FNDC8: variants seen among roughly 807,000 people sequenced by gnomAD.
The protein encoded by FNDC8 is fibronectin type III domain containing 8, also known as fibronectin type III domain-containing protein 8.
FNDC8 carries 23 observed loss-of-function variants against 24.8 expected under a neutral mutation model. The observed-to-expected ratio is 0.93, with a 90% CI of 0.67 to 1.31. The LOEUF (loss-of-function observed/expected upper bound fraction) is 1.31. Among genes scored for constraint, FNDC8 ranks in the 40% most tolerant of loss-of-function variants. The pLI is 0.00. For synonymous variants in FNDC8, 158 were observed against 165.3 expected (o/e 0.96, Z 0.34); for missense variants, 371 against 398.2 (o/e 0.93, Z 0.58).
intron 1 of FNDC8, 120 bp from the exon 2 acceptor site, chr17:35,126,922 T>C: frequency 7.8e-7 from 1 of 1,280,774 alleles, no homozygotes; most frequent in Non-Finnish European, 1.1e-6. Flanking sequence ...AATGAGGCTG[T>C]TCCAAGCTGT....
chr17:35,127,189 C>T lies in FNDC8; in HGVS notation c.357C>T (p.Asn119=). The T allele has an allele frequency of 6.2e-7, 1 of 1,614,222 alleles. No homozygotes were observed. Among genetic ancestry groups the T allele is most frequent in the South Asian group, 1.1e-5 (1 of 91,084 alleles). ...CAGGGATGCTGGAGGGGGAGCTGAACAAACTCAGCTTCTCCCCAATGGCCA... is the reference window on the plus strand; with the variant it reads ...CAGGGATGCTGGAGGGGGAGCTGAATAAACTCAGCTTCTCCCCAATGGCCA... The part of the protein sequence containing the change: ...FFAGMLEGEL[N]KLSFSPMAKN... The change falls in exon 2 of 4, where the codon AAC becomes AAT. Residue 119 remains asparagine (N), a synonymous_variant. Transcript: ENST00000158009.
intron 1 of FNDC8, among the ~76,000 whole-genome samples, chr17:35,123,312 G>A (rs976769825): frequency 8.5e-5 from 13 of 152,152 alleles, no homozygotes; most frequent in Non-Finnish European, 1.6e-4. Context: ...CAAAGTGCCC[G>A]TAAGCAAGCA....
intron 3 of FNDC8, 45 bp downstream of exon 3, chr17:35,129,703 A>G: frequency 6.3e-7 from 1 of 1,593,278 alleles, no homozygotes; most frequent in East Asian, 2.3e-5. Flanking sequence ...AGAGAAGTCC[A>G]AAGCCAGGGA....
intron 2 of FNDC8, 111 bp downstream of exon 2, chr17:35,127,528 A>G: frequency 1.5e-6 from 2 of 1,298,014 alleles, no homozygotes; most frequent in Non-Finnish European, 2.1e-6. Context: ...CCTCAAGTTC[A>G]CGGTTTAGGA....
intron 3 of FNDC8, 164 bp from the exon 4 acceptor site, chr17:35,130,118 G>C (rs911218829): frequency 1.4e-6 from 2 of 1,439,508 alleles, no homozygotes; most frequent in African/African-American, 1.4e-5. Context: ...GTACAGGCTT[G>C]AGTCATGCAT....
In FNDC8 at chr17:35,121,656, G is replaced by T; in HGVS notation, c.-38G>T. 1.2e-6 allele frequency: 2 copies of T among 1,603,674 alleles called. No homozygotes were observed. Among genetic ancestry groups the T allele is most frequent in the Non-Finnish European group, 1.7e-6 (2 of 1,171,030 alleles). ...CTCTCTGCTTCTGGTCAGCTGGGTT[G>T]TCCTGCATGGTGACGGGTGTCATCC... On this transcript the variant is annotated 5_prime_UTR_variant, in exon 1 of 4. Coordinates refer to ENST00000158009, the MANE Select transcript of FNDC8 (RefSeq NM_017559.4).
intron 2 of FNDC8, among the ~76,000 whole-genome samples, chr17:35,127,909 G>T (rs2091855435): frequency 6.6e-6 from 1 of 152,186 alleles, no homozygotes; most frequent in African/African-American, 2.4e-5. Flanking sequence ...TCCCTAGAGG[G>T]TCTAGGGTGA....
chr17:35,122,208 A>AT (rs1567738641), intron 1 of FNDC8, among the ~76,000 whole-genome samples: 244 of 9,098 alleles, frequency 0.027, 10 homozygotes, highest in Non-Finnish European at 0.03. Context: ...ATATATATAT[A>AT]AATTTTTTTT....
In FNDC8 at chr17:35,129,642, G is replaced by A. The variant is rs771169372; in HGVS notation, c.806G>A (p.Trp269Ter). ...GCCAACACAGCTGGGGTGGGGAAGT[G>A]GTGCAAGCCCTACAAAGTGAGCCCT... ...RAANTAGVGK[W>*]CKPYKFATLA... Residue 269 changes from tryptophan to a stop codon, truncating the protein, a stop_gained, in exon 3 of 4, where the codon TGG (tryptophan) becomes TAG (stop). Transcript: ENST00000158009. LOFTEE classifies it high-confidence loss of function. 6.2e-7 allele frequency: 1 copy of A among 1,613,926 alleles called. No individual in the cohort carries two copies. Among genetic ancestry groups the A allele is most frequent in the South Asian group, 1.1e-5 (1 of 91,058 alleles).
chr17:35,128,477 C>T (rs2091857900), intron 2 of FNDC8, among the ~76,000 whole-genome samples: 1 of 152,210 alleles, frequency 6.6e-6, no homozygotes, highest in African/African-American at 2.4e-5. Context: ...CCCTGAGATG[C>T]TTAGCCAGGC....
chr17:35,130,207 G>C, intron 3 of FNDC8, 75 bp from the exon 4 acceptor site: 1 of 1,552,932 alleles, frequency 6.4e-7, no homozygotes, highest in South Asian at 1.2e-5. Context: ...GAAAAAAAAG[G>C]GGTGATAGAG....
rs148718735 is a variant in FNDC8 at position 35,125,108 on chromosome 17, T to A, written c.210-1934T>A. Among the ~76,000 whole-genome samples, 778 of 149,464 alleles carry A rather than the reference T, an allele frequency of 5.2e-3. 4 individuals are homozygous for A. The highest frequency in any genetic ancestry group is 7.4e-3 in the Non-Finnish European group (499 of 67,490). ...AAAAAGAAATGTTAAGTGGTGGGGA[T>A]CATGTACAAGGTTTTTCTTTGTAAT... is the stretch of plus-strand genomic sequence containing the variant. On this transcript the variant is annotated intron_variant, in intron 1 of 3. Coordinates refer to ENST00000158009, the MANE Select transcript of FNDC8 (RefSeq NM_017559.4).
At chr17:35,129,401 C>G (rs919264283) in intron 2 of FNDC8, 21 bp from the exon 3 acceptor site, 2 of 1,610,012 alleles carry the variant, frequency 1.2e-6, no homozygotes, top group Admixed American at 1.7e-5. Flanking sequence ...GAGGAAGCCT[C>G]GGGGCTCTCT....
rs767323694 is a variant in FNDC8 at position 35,127,346 on chromosome 17, T to A, written c.514T>A (p.Ser172Thr). The change falls in exon 2 of 4, where the codon TCT becomes ACT. Residue 172 changes from serine (S) to threonine (T), a missense_variant. Transcript: ENST00000158009. ...AGAAACCTCCTCAACGCACTCAGAATCTTCTGTGGTTGTGGACCTGCCGGA... is the reference window on the plus strand; with the variant it reads ...AGAAACCTCCTCAACGCACTCAGAAACTTCTGTGGTTGTGGACCTGCCGGA... ...ETETSSTHSE[S>T]SVVVDLPDTP... is the part of the protein sequence containing the mutation. 19 of 1,606,620 alleles carry A rather than the reference T, an allele frequency of 1.2e-5. No individual in the cohort carries two copies. The Admixed American group carries it at 3.1e-4, about 26-fold the overall frequency.
intron 1 of FNDC8, among the ~76,000 whole-genome samples, chr17:35,125,234 T>A (rs575063348): frequency 6.6e-6 from 1 of 152,206 alleles, no homozygotes; most frequent in Non-Finnish European, 1.5e-5. Flanking sequence ...GCCCAGGAGT[T>A]CGAAGTCAGC....
At chr17:35,126,983 G>C in intron 1 of FNDC8, 59 bp from the exon 2 acceptor site, 1 of 1,522,768 alleles carries the variant, frequency 6.6e-7, no homozygotes, top group Admixed American at 2.2e-5. Context: ...CTGCCCTCAG[G>C]TGGAACGGGC....
rs754322331 is a variant in FNDC8, at chr17:35,130,486, C to A, written c.*52C>A. On this transcript the variant is annotated 3_prime_UTR_variant, in exon 4 of 4. Transcript: ENST00000158009. ...CCTACTTTCAGCTTCAACCCCAGGC[C>A]CTCAGAAACCAGAGCCATGAGACCT... is the stretch of plus-strand genomic sequence containing the variant. The A allele has an allele frequency of 1.9e-5, 30 of 1,574,132 alleles. No homozygotes were observed. Among genetic ancestry groups the A allele is most frequent in the Non-Finnish European group, 6.1e-6 (7 of 1,156,352 alleles).
rs1250229049 is a variant in FNDC8 at position 35,127,571 on chromosome 17, C to T, written c.585+154C>T. On this transcript the variant is annotated intron_variant, in intron 2 of 3. Transcript: ENST00000158009. ...GGATGTGTCTGTAAAAACTCCAGTGCAAGACAGAAAGGGTTCAGTGCTGTA... is the reference window on the plus strand; with the variant it reads ...GGATGTGTCTGTAAAAACTCCAGTGTAAGACAGAAAGGGTTCAGTGCTGTA... 5.3e-5 allele frequency among the ~76,000 whole-genome samples: 8 copies of T among 152,180 alleles called. No homozygotes were observed. The East Asian group carries it at 1.5e-3, about 29-fold the overall frequency.
intron 1 of FNDC8, among the ~76,000 whole-genome samples, chr17:35,123,013 G>C (rs2091835960): frequency 6.6e-6 from 1 of 152,130 alleles, no homozygotes; most frequent in Non-Finnish European, 1.5e-5. Context: ...TGATATTTGA[G>C]CTGAGTCTCC....
Sources: allele counts gnomAD v4.1 joint callset (sites outside exome capture counted in the v4.1 genomes callset), GRCh38; gene constraint gnomAD v4.1.1; transcripts MANE v1.5; gene names NCBI Gene and HGNC (gene_info 2026-07-23, HGNC 2026-07-21).